Variants in ASPH observed in about 807,000 individuals in gnomAD.
ASPH encodes the protein aspartyl/asparaginyl beta-hydroxylase.
ASPH carries 100 observed loss-of-function variants against 118.4 expected under a neutral mutation model. The ratio of observed to expected loss-of-function variants is 0.84; its 90% CI spans 0.72 to 1.00. The LOEUF is 1.00. Ranked by LOEUF, ASPH falls within the 50% of genes least tolerant of loss-of-function variation. The pLI, the probability that ASPH is intolerant of heterozygous loss-of-function variation, is 0.00. For synonymous variants in ASPH, 315 were observed against 325.6 expected, an observed-to-expected ratio of 0.97 and a Z score of 0.35; for missense variants, 920 against 919.5, an observed-to-expected ratio of 1.00 and a Z score of -0.01.
At chr8:61,698,999 G>T (rs1834604633) in intron 1 of ASPH, among the ~76,000 whole-genome samples, 1 of 152,210 alleles carries the variant, frequency 6.6e-6, no homozygotes, top group African/African-American at 2.4e-5. Flanking sequence ...GGAATGTTCT[G>T]CCTGATAACA....
At chr8:61,584,693 G>C (rs1230857351) in intron 14 of ASPH, among the ~76,000 whole-genome samples, 15 of 126,898 alleles carry the variant, frequency 1.2e-4, no homozygotes, top group African/African-American at 4.0e-4. Context: ...TTTTTCTGTA[G>C]AAACAGAGTC....
chr8:61,661,973 A>T (rs1344473173), intron 3 of ASPH: 1 of 429,698 alleles, frequency 2.3e-6, no homozygotes, highest in Non-Finnish European at 4.1e-6. Flanking sequence ...AATTCAAAAG[A>T]GTGGCTACCA....
intron 14 of ASPH, chr8:61,607,276 G>A: frequency 1.4e-6 from 1 of 702,338 alleles, no homozygotes; most frequent in Non-Finnish European, 2.6e-6. Flanking sequence ...TGAAGTCCCA[G>A]GACATGGTGC....
intron 14 of ASPH, among the ~76,000 whole-genome samples, chr8:61,584,636 T>TTTCTTTCTTTCC (rs149216905): frequency 1.2e-4 from 4 of 34,462 alleles, no homozygotes; most frequent in African/African-American, 2.2e-4. Flanking sequence ...TCTTTCCTTC[T>TTTCTTTCTTTCC]TTCTTTCTTT....
intron 5 of ASPH, among the ~76,000 whole-genome samples, chr8:61,648,935 A>C (rs543154968): frequency 2.9e-4 from 44 of 152,200 alleles, no homozygotes; most frequent in Non-Finnish European, 5.4e-4. Context: ...ATCTCAGCAA[A>C]AGATATACCA....
intron 15 of ASPH, chr8:61,579,434 G>A (rs1335942251): frequency 6.2e-7 from 1 of 1,611,512 alleles, no homozygotes; most frequent in East Asian, 2.2e-5. Flanking sequence ...TGAAGTCTGG[G>A]ATGCAGAACA....
At chr8:61,552,232 G>A (rs1826273351) in intron 20 of ASPH, among the ~76,000 whole-genome samples, 1 of 152,194 alleles carries the variant, frequency 6.6e-6, no homozygotes, top group Admixed American at 6.5e-5. Context: ...AATAAAGCAG[G>A]ACAGGAAAGG....
intron 24 of ASPH, among the ~76,000 whole-genome samples, chr8:61,509,856 C>T (rs1033112287): frequency 6.6e-5 from 10 of 152,074 alleles, no homozygotes; most frequent in Non-Finnish European, 1.5e-4. Flanking sequence ...AGGGTCCCTC[C>T]CAGCTCCAGG....
chr8:61,570,476 G>A (rs940365599), intron 16 of ASPH, among the ~76,000 whole-genome samples: 6 of 152,108 alleles, frequency 3.9e-5, no homozygotes, highest in African/African-American at 7.2e-5. Flanking sequence ...ATTGAGATTG[G>A]AATAAACATC....
rs574111767 is a variant in ASPH, at chr8:61,637,026, T to C, written c.889+921A>G. Among the ~76,000 whole-genome samples the C allele has an allele frequency of 1.6e-3, 243 of 152,256 alleles. 1 individual carries two copies. The highest frequency in any genetic ancestry group is 5.3e-3 in the African/African-American group (220 of 41,560). On this transcript the variant is annotated intron_variant, in intron 12 of 24. Transcript: ENST00000379454. ...TTATACCTATCTCCCCCCATTTCAG[T>C]CAACTGCACCATTCCATTTTCCTTT...
intron 24 of ASPH, among the ~76,000 whole-genome samples, chr8:61,515,597 C>A (rs1317548782): frequency 6.6e-6 from 1 of 152,154 alleles, no homozygotes; most frequent in African/African-American, 2.4e-5. Context: ...TTACCTTCTC[C>A]CCTGAGTGCC....
intron 1 of ASPH, among the ~76,000 whole-genome samples, chr8:61,714,040 C>T (rs1455175881): frequency 6.6e-6 from 1 of 152,260 alleles, no homozygotes; most frequent in Non-Finnish European, 1.5e-5. Flanking sequence ...GAAGGGGCTC[C>T]CCGAGACTAG....
chr8:61,528,190 C>T (rs1429425370), intron 21 of ASPH, among the ~76,000 whole-genome samples: 2 of 152,126 alleles, frequency 1.3e-5, no homozygotes, highest in African/African-American at 4.8e-5. Context: ...TCATGAAGAA[C>T]AGGGCAAAGA....
chr8:61,587,058 T>G (rs916182471), intron 14 of ASPH, among the ~76,000 whole-genome samples: 21 of 152,342 alleles, frequency 1.4e-4, no homozygotes, highest in African/African-American at 4.6e-4. Flanking sequence ...CCCCCTCTTT[T>G]AATTCAACTT....
At chr8:61,604,466 A>T (rs1404121058) in intron 14 of ASPH, among the ~76,000 whole-genome samples, 1 of 152,244 alleles carries the variant, frequency 6.6e-6, no homozygotes, top group African/African-American at 2.4e-5. Context: ...ACATTCAGAT[A>T]AATCAATTTC....
chr8:61,700,975 G>C (rs974268634), intron 1 of ASPH, among the ~76,000 whole-genome samples: 5 of 152,146 alleles, frequency 3.3e-5, no homozygotes, highest in African/African-American at 1.2e-4. Flanking sequence ...TACATTCCCT[G>C]AGATTTAACA....
intron 1 of ASPH, among the ~76,000 whole-genome samples, chr8:61,701,130 T>C (rs1249171063): frequency 5.3e-5 from 8 of 152,178 alleles, no homozygotes; most frequent in African/African-American, 1.9e-4. Context: ...TCACTGTAGT[T>C]TGCCGTCTGC....
chr8:61,580,896 T>G (rs990912853), intron 15 of ASPH, among the ~76,000 whole-genome samples: 1 of 152,232 alleles, frequency 6.6e-6, no homozygotes, highest in Non-Finnish European at 1.5e-5. Flanking sequence ...ACATAACATT[T>G]ACAGGTTCCA....
intron 3 of ASPH, chr8:61,657,186 T>C (rs1028890626): frequency 2.0e-5 from 3 of 152,186 alleles, no homozygotes; most frequent in Non-Finnish European, 2.9e-5. Flanking sequence ...GACTCACTGA[T>C]AACATGTGAA....
Sources: allele counts gnomAD v4.1 joint callset (sites outside exome capture counted in the v4.1 genomes callset), GRCh38; gene constraint gnomAD v4.1.1; transcripts MANE v1.5; gene names NCBI Gene and HGNC (gene_info 2026-07-23, HGNC 2026-07-21).